ATOSA: variants seen among roughly 807,000 people sequenced by gnomAD.
ATOSA encodes the protein atos homolog A.
the ATOSA span, among the ~76,000 whole-genome samples, chr15:52,668,942 GT>G: frequency 2.0e-5 from 3 of 148,274 alleles, no homozygotes; most frequent in Admixed American, 6.8e-5. Context: ...GACTCACTCT[GT>G]CACCCAGGCT....
the ATOSA span, among the ~76,000 whole-genome samples, chr15:52,670,268 A>G: frequency 1.3e-5 from 2 of 152,206 alleles, no homozygotes; most frequent in East Asian, 3.8e-4. Context: ...CAAGCTGTGT[A>G]TTCTTGTTAG....
the ATOSA span, among the ~76,000 whole-genome samples, chr15:52,672,684 C>T: frequency 6.6e-6 from 1 of 152,158 alleles, no homozygotes; most frequent in Non-Finnish European, 1.5e-5. Flanking sequence ...AAGGCTCAGA[C>T]CCCATGGGTT....
At chr15:52,656,473 A>C in the ATOSA span, 1 of 152,104 alleles carries the variant, frequency 6.6e-6, no homozygotes, top group South Asian at 2.1e-4. Context: ...TTAAGAGTTA[A>C]ACACATTCTT....
the ATOSA span, among the ~76,000 whole-genome samples, chr15:52,651,262 A>C: frequency 6.6e-6 from 1 of 152,184 alleles, no homozygotes; most frequent in African/African-American, 2.4e-5. Flanking sequence ...TTGCGGTTGA[A>C]TTATGATGCT....
At chr15:52,641,039 G>A in the ATOSA span, among the ~76,000 whole-genome samples, 1 of 152,184 alleles carries the variant, frequency 6.6e-6, no homozygotes, top group East Asian at 1.9e-4. Context: ...GAAAAGACAT[G>A]CAGTCTTGGA....
chr15:52,604,940 A>T, the ATOSA span, among the ~76,000 whole-genome samples: 4 of 152,164 alleles, frequency 2.6e-5, no homozygotes, highest in Admixed American at 2.6e-4. Context: ...AATAAATTTC[A>T]TTTTTATTCA....
chr15:52,601,520 C>A, the ATOSA span, among the ~76,000 whole-genome samples: 10 of 139,208 alleles, frequency 7.2e-5, no homozygotes, highest in African/African-American at 1.9e-4. Flanking sequence ...ACACTTCCAA[C>A]TTAAAAAGGA....
chr15:52,659,766 G>T, the ATOSA span, among the ~76,000 whole-genome samples: 1 of 152,130 alleles, frequency 6.6e-6, no homozygotes, highest in Non-Finnish European at 1.5e-5. Context: ...AAAATTCATT[G>T]CCCACTGAGG....
At chr15:52,658,333 T>G in the ATOSA span, 1 of 154,724 alleles carries the variant, frequency 6.5e-6, no homozygotes, top group South Asian at 2.1e-4. Flanking sequence ...AATATAGCTT[T>G]CTGTGTAGAG....
chr15:52,687,927 T>G, the ATOSA span, among the ~76,000 whole-genome samples: 15 of 152,210 alleles, frequency 9.9e-5, no homozygotes, highest in Middle Eastern at 3.2e-3. Context: ...AGCTAAATCT[T>G]AAGAAATCTT....
At chr15:52,584,703 G>T in the ATOSA span, 1 of 1,536,192 alleles carries the variant, frequency 6.5e-7, no homozygotes, top group African/African-American at 1.4e-5. Context: ...AAATTTTAGA[G>T]TTGTTCTAAA....
chr15:52,618,665 T>TA, the ATOSA span, among the ~76,000 whole-genome samples: 13 of 152,168 alleles, frequency 8.5e-5, no homozygotes, highest in African/African-American at 3.1e-4. Flanking sequence ...ACTGAACTGT[T>TA]AAAAAAAGTA....
chr15:52,661,645 T>C, the ATOSA span, among the ~76,000 whole-genome samples: 2 of 152,282 alleles, frequency 1.3e-5, no homozygotes, highest in African/African-American at 2.4e-5. Context: ...CTGAATGTTG[T>C]TGTTTTGTTG....
chr15:52,687,589 T>A, the ATOSA span, among the ~76,000 whole-genome samples: 3 of 152,064 alleles, frequency 2.0e-5, no homozygotes, highest in Non-Finnish European at 4.4e-5. Flanking sequence ...ACAGGCAAAG[T>A]GGGGTAGGAT....
the ATOSA span, chr15:52,587,506 A>C: frequency 4.5e-6 from 1 of 223,610 alleles, no homozygotes; most frequent in Non-Finnish European, 8.7e-6. Context: ...ACTAAAAAGG[A>C]AATAAAGGAA....
At chr15:52,694,126 G>A in the ATOSA span, among the ~76,000 whole-genome samples, 4 of 150,094 alleles carry the variant, frequency 2.7e-5, no homozygotes, top group African/African-American at 9.8e-5. Context: ...AGCTGAGTAT[G>A]TGTGTGTGTG....
At chr15:52,598,256 G>A in the ATOSA span, among the ~76,000 whole-genome samples, 1 of 152,256 alleles carries the variant, frequency 6.6e-6, no homozygotes, top group South Asian at 2.1e-4. Context: ...TTTTAAGAAA[G>A]TTTACGAATT....
chr15:52,584,976 A>AT, the ATOSA span: 1 of 1,523,608 alleles, frequency 6.6e-7, no homozygotes, highest in Non-Finnish European at 8.9e-7. Context: ...TATTCTTTAA[A>AT]AATAGTGATT....
the ATOSA span, chr15:52,611,724 G>A: frequency 6.2e-7 from 1 of 1,613,886 alleles, no homozygotes; most frequent in Admixed American, 1.7e-5. Context: ...TGATTGGAAG[G>A]TTATTCTTCC....
Sources: allele counts gnomAD v4.1 joint callset (sites outside exome capture counted in the v4.1 genomes callset), GRCh38; gene constraint gnomAD v4.1.1; transcripts MANE v1.5; gene names NCBI Gene and HGNC (gene_info 2026-07-23, HGNC 2026-07-21).